Variants in SECTM1 observed in about 807,000 individuals in gnomAD.
SECTM1 encodes the protein secreted and transmembrane 1, also known as secreted and transmembrane protein 1.
Under a neutral mutation model 18.1 loss-of-function variants are expected in SECTM1, and 10 were observed. The ratio of observed to expected loss-of-function variants is 0.55; its 90% CI spans 0.34 to 0.94. SECTM1 has a LOEUF of 0.94. Among genes scored for constraint, SECTM1 ranks in the 40% least tolerant of loss-of-function variants. The probability of loss-of-function intolerance (pLI) is 0.02; values close to 1 mark genes in which losing one functional copy is unlikely to be tolerated. For synonymous variants in SECTM1, 137 were observed against 139.2 expected, an observed-to-expected ratio of 0.98 and a Z score of 0.11; for missense variants, 297 against 322.6, an observed-to-expected ratio of 0.92 and a Z score of 0.61.
At chr17:82,323,976 T>G (rs1483603970) in intron 3 of SECTM1, among the ~76,000 whole-genome samples, 7 of 100,410 alleles carry the variant, frequency 7.0e-5, no homozygotes, top group South Asian at 6.2e-4. Context: ...AACATGGGAG[T>G]GGGAGTGGGA....
intron 3 of SECTM1, among the ~76,000 whole-genome samples, chr17:82,323,469 G>T (rs1291730177): frequency 1.3e-5 from 2 of 151,678 alleles, no homozygotes; most frequent in African/African-American, 4.8e-5. Flanking sequence ...GGGTGACCCG[G>T]GTAGGTCGGA....
chr17:82,328,582 G>C lies in SECTM1; in HGVS notation c.-52-1290C>G, dbSNP rs1408453051. ...GGGGTCTGGGCCGATGCCTGGGCTG[G>C]TCAAAGGTCAGGCCCTCACGTGGAC... is the stretch of plus-strand genomic sequence containing the variant. On this transcript the variant is annotated intron_variant, in intron 1 of 4. Coordinates refer to ENST00000269389, the MANE Select transcript of SECTM1 (RefSeq NM_003004.3). The surrounding 1 kb of genome is among the most constrained non-coding windows in gnomAD (Gnocchi z 5.8). The C allele has an allele frequency of 1.3e-5, 2 of 152,382 alleles. No individual in the cohort carries two copies. Among genetic ancestry groups the C allele is most frequent in the Non-Finnish European group, 2.9e-5 (2 of 68,152 alleles). 9.4% of individuals were successfully genotyped at this position (152,382 alleles called of 1,614,324 possible). A position where few individuals can be genotyped will look rare whatever the true frequency, so the allele number is the denominator to read the frequency against.
chr17:82,324,129 G>C (rs2052123648), intron 3 of SECTM1, among the ~76,000 whole-genome samples: 1 of 152,036 alleles, frequency 6.6e-6, no homozygotes, highest in East Asian at 1.9e-4. Flanking sequence ...GGTCTGGAGG[G>C]CCTCTCAGAG....
chr17:82,333,061 G>C (rs2052204724), intron 1 of SECTM1, among the ~76,000 whole-genome samples: 1 of 152,254 alleles, frequency 6.6e-6, no homozygotes, highest in Non-Finnish European at 1.5e-5. Context: ...GGGCCTGCCG[G>C]GTGAGGGAAG....
chr17:82,324,920 T>A, intron 2 of SECTM1, 30 bp from the exon 3 acceptor site: 2 of 1,588,838 alleles, frequency 1.3e-6, no homozygotes, highest in Non-Finnish European at 1.7e-6. Flanking sequence ...CACACACGGA[T>A]CAGGGCTGGA....
chr17:82,333,456 C>A (rs1309593148), intron 1 of SECTM1, among the ~76,000 whole-genome samples: 1 of 152,182 alleles, frequency 6.6e-6, no homozygotes, highest in East Asian at 1.9e-4. Context: ...TGGCCTGCGA[C>A]GCACGCTCAG....
chr17:82,331,070 C>A (rs970649109), intron 1 of SECTM1, among the ~76,000 whole-genome samples: 1 of 152,190 alleles, frequency 6.6e-6, no homozygotes, highest in Non-Finnish European at 1.5e-5. Flanking sequence ...GCGACCCTGA[C>A]CCTTGTCCAG....
chr17:82,327,047 G>A, intron 2 of SECTM1, 100 bp downstream of exon 2: 1 of 856,192 alleles, frequency 1.2e-6, no homozygotes, highest in South Asian at 1.5e-5. Flanking sequence ...TCGGGGGTCT[G>A]GTGGCACCTG....
intron 4 of SECTM1, 116 bp from the exon 5 acceptor site, chr17:82,322,486 C>A (rs2052103336): frequency 1.0e-6 from 1 of 989,470 alleles, no homozygotes; most frequent in Non-Finnish European, 1.5e-6. Context: ...CCCCCACCCC[C>A]AGGCACACTC....
At chr17:82,327,074 AC>A in intron 2 of SECTM1, 72 bp downstream of exon 2, 1 of 1,209,040 alleles carries the variant, frequency 8.3e-7, no homozygotes, top group Non-Finnish European at 1.2e-6. Flanking sequence ...ACCTCAGTCC[AC>A]CCCTCCTGCC....
chr17:82,332,138 G>A (rs191917695), intron 1 of SECTM1, among the ~76,000 whole-genome samples: 23 of 152,258 alleles, frequency 1.5e-4, no homozygotes, highest in African/African-American at 4.3e-4. Context: ...GCGAAACTCC[G>A]TCTCAAACCA....
At position 82,330,447 on chromosome 17, in the gene SECTM1, C is replaced by T. The variant is rs566053929; in HGVS notation, c.-52-3155G>A. Among the ~76,000 whole-genome samples the T allele has an allele frequency of 5.9e-5, 9 of 152,306 alleles. No homozygotes were observed. In the South Asian group the frequency reaches 1.4e-3, roughly 25 times the overall value. ...CAGCGCTGCGTCCACCCCACCTGCC[C>T]ACCCAGGTGCTGGCTCTGCCACCCG... is the stretch of plus-strand genomic sequence containing the variant. On this transcript the variant is annotated intron_variant, in intron 1 of 4. Coordinates refer to ENST00000269389, the MANE Select transcript of SECTM1 (RefSeq NM_003004.3). This position sits in a 1 kb window ranked among gnomAD's most constrained non-coding sequence, Gnocchi z 6.1.
intron 1 of SECTM1, among the ~76,000 whole-genome samples, chr17:82,331,312 C>A (rs1422677617): frequency 6.6e-6 from 1 of 152,132 alleles, no homozygotes; most frequent in Non-Finnish European, 1.5e-5. Context: ...TCTGGCTCTA[C>A]CCCGAGGCTT....
rs776448188 is a variant in SECTM1 at position 82,322,930 on chromosome 17, G to A, written c.485C>T (p.Ala162Val). The A allele has an allele frequency of 6.2e-7, 1 of 1,613,936 alleles. No individual in the cohort carries two copies. Among genetic ancestry groups the A allele is most frequent in the Non-Finnish European group, 8.5e-7 (1 of 1,179,998 alleles). Residue 162 changes from alanine to valine, a missense_variant, in exon 4 of 5, where the codon GCT becomes GTT. Ala to Val is a moderately conservative substitution (Grantham distance 64). Coordinates refer to ENST00000269389, the MANE Select transcript of SECTM1 (RefSeq NM_003004.3). ...CCTGTACCAGGCGAACATGACCAGAGCGACCAAGAGGATGAAGACAGCAGT... is the reference window on the plus strand; with the variant it reads ...CCTGTACCAGGCGAACATGACCAGAACGACCAAGAGGATGAAGACAGCAGT... ...VVTAVFILLV[A>V]LVMFAWYRCR...
rs2052135031 is a variant in SECTM1 at position 82,325,115 on chromosome 17, T to TGC, written c.95-227_95-226dup. 1.3e-5 allele frequency among the ~76,000 whole-genome samples: 2 copies of TGC among 152,272 alleles called. No homozygotes were observed. Among genetic ancestry groups the TGC allele is most frequent in the South Asian group, 4.2e-4 (2 of 4,818 alleles). ...CTGTGTGTGTGTATGTGTGTGTGTG[T>TGC]GCGTGCTCACACCCACGTCTGTTCC... On this transcript the variant is annotated intron_variant, in intron 2 of 4. Transcript: ENST00000269389. This position sits in a 1 kb window ranked among gnomAD's most constrained non-coding sequence, Gnocchi z 7.6.
intron 1 of SECTM1, among the ~76,000 whole-genome samples, chr17:82,333,014 C>T (rs775580850): frequency 2.6e-5 from 4 of 152,230 alleles, no homozygotes; most frequent in African/African-American, 9.6e-5. Flanking sequence ...GTGATTACTG[C>T]GGAGTCAGCA....
chr17:82,321,207 C>A lies in SECTM1; in HGVS notation c.*954G>T, dbSNP rs1041627745. The A allele has an allele frequency of 6.6e-6, 1 of 152,150 alleles. No individual in the cohort carries two copies. Among genetic ancestry groups the A allele is most frequent in the South Asian group, 2.1e-4 (1 of 4,832 alleles). The allele number at this position is 152,150 out of a possible 1,614,324, so 9.4% of individuals were successfully genotyped here. On this transcript the variant is annotated 3_prime_UTR_variant, in exon 5 of 5. Coordinates refer to ENST00000269389, the MANE Select transcript of SECTM1 (RefSeq NM_003004.3). ...CTCCCCCCCGTCTTCATCTCGAGGA[C>A]GCCTTAGGGACGTTTTGGGGCTTAA...
chr17:82,328,140 C>G lies in SECTM1; in HGVS notation c.-52-848G>C, dbSNP rs2052163434. ...GCAAGTCAGCTTTACCTCTGCTGCT[C>G]TCACTGGCAAGGCAGGCTGCTGGGC... On this transcript the variant is annotated intron_variant, in intron 1 of 4. Coordinates refer to ENST00000269389, the MANE Select transcript of SECTM1 (RefSeq NM_003004.3). The surrounding 1 kb of genome is among the most constrained non-coding windows in gnomAD (Gnocchi z 5.8). The G allele has an allele frequency of 6.6e-6, 1 of 152,226 alleles. No homozygotes were observed. The highest frequency in any genetic ancestry group is 1.5e-5 in the Non-Finnish European group (1 of 68,086). 9.4% of individuals were successfully genotyped at this position (152,226 alleles called of 1,614,324 possible). A position where few individuals can be genotyped will look rare whatever the true frequency, so the allele number is the denominator to read the frequency against.
intron 4 of SECTM1, 33 bp downstream of exon 4, chr17:82,322,845 A>G: frequency 6.2e-7 from 1 of 1,610,860 alleles, no homozygotes; most frequent in East Asian, 2.2e-5. Flanking sequence ...AAGACTCCCC[A>G]CCCCGCACAA....
Sources: gnomAD v4.1 joint callset for allele counts (sites outside exome capture counted in the v4.1 genomes callset) on GRCh38, gnomAD v4.1.1 for gene constraint, Gnocchi (gnomAD v3.1) non-coding constraint, MANE v1.5 for transcripts, NCBI Gene and HGNC (gene_info 2026-07-23, HGNC 2026-07-21) for gene names.